TXLNB: variants seen among roughly 807,000 people sequenced by gnomAD.
TXLNB encodes the protein beta-taxilin.
Under a neutral mutation model 57.4 loss-of-function variants are expected in TXLNB, and 37 were observed. The ratio of observed to expected loss-of-function variants is 0.64; its 90% CI spans 0.50 to 0.85. TXLNB has a LOEUF of 0.85. Among genes scored for constraint, TXLNB ranks in the 40% least tolerant of loss-of-function variants. The probability of loss-of-function intolerance (pLI) is 0.00; values close to 1 mark genes in which losing one functional copy is unlikely to be tolerated. For missense variants in TXLNB, 848 were observed against 825.6 expected (o/e 1.03, Z -0.33); for synonymous variants, 302 against 309.6 (o/e 0.98, Z 0.26).
the TXLNB span, among the ~76,000 whole-genome samples, chr6:139,316,183 C>T: frequency 6.6e-6 from 1 of 152,226 alleles, no homozygotes; most frequent in African/African-American, 2.4e-5. Context: ...GACAAAGATT[C>T]TTTGCTTGGC....
intron 2 of TXLNB, among the ~76,000 whole-genome samples, chr6:139,286,304 T>A (rs977221480): frequency 1.3e-5 from 2 of 150,238 alleles, no homozygotes; most frequent in African/African-American, 4.9e-5. Context: ...TCTCTATGAA[T>A]CTACCTGTCA....
At chr6:139,195,500 AG>A in the TXLNB span, among the ~76,000 whole-genome samples, 1 of 152,352 alleles carries the variant, frequency 6.6e-6, no homozygotes, top group African/African-American at 2.4e-5. Context: ...GGAATTATCC[AG>A]AATATGTGCA....
chr6:139,271,288 C>T (rs977842363), intron 3 of TXLNB: 16 of 152,398 alleles, frequency 1.0e-4, no homozygotes, highest in African/African-American at 3.9e-4. Context: ...TGTAACACGC[C>T]TTGTTGCTCC....
At chr6:139,316,245 C>G in the TXLNB span, among the ~76,000 whole-genome samples, 1 of 152,154 alleles carries the variant, frequency 6.6e-6, no homozygotes, top group Non-Finnish European at 1.5e-5. Context: ...TGTGCACTTC[C>G]TTATAAAATC....
chr6:139,272,173 G>A (rs923780806), intron 3 of TXLNB, among the ~76,000 whole-genome samples: 2 of 152,132 alleles, frequency 1.3e-5, no homozygotes, highest in Admixed American at 1.3e-4. Context: ...CGGGCGTGGT[G>A]GTATGCACCT....
the TXLNB span, among the ~76,000 whole-genome samples, chr6:139,233,131 T>C: frequency 6.6e-6 from 1 of 151,894 alleles, no homozygotes; most frequent in African/African-American, 2.4e-5. Flanking sequence ...TATTAATAGC[T>C]ATCATTCTCA....
chr6:139,254,751 A>T (rs918279901), intron 7 of TXLNB, among the ~76,000 whole-genome samples: 3 of 152,206 alleles, frequency 2.0e-5, no homozygotes, highest in Non-Finnish European at 4.4e-5. Flanking sequence ...ACTTGTATCC[A>T]TTCACCACTG....
At chr6:139,182,487 A>C in the TXLNB span, among the ~76,000 whole-genome samples, 1 of 152,194 alleles carries the variant, frequency 6.6e-6, no homozygotes, top group African/African-American at 2.4e-5. Context: ...ATTACTTTAG[A>C]TCTTGCTTGT....
rs775895449 is a variant in TXLNB at position 139,243,107 on chromosome 6, C to T, written c.1474G>A (p.Glu492Lys). The T allele has an allele frequency of 6.2e-7, 1 of 1,614,182 alleles. No homozygotes were observed. Among genetic ancestry groups the T allele is most frequent in the Non-Finnish European group, 8.5e-7 (1 of 1,180,032 alleles). Residue 492 changes from glutamate to lysine, a missense_variant, in exon 10 of 10, where the codon GAG (glutamate) becomes AAG (lysine). Glu to Lys is a moderately conservative substitution (Grantham distance 56, BLOSUM62 1). Coordinates refer to ENST00000358430, the MANE Select transcript of TXLNB (RefSeq NM_153235.4). ...VSVDQEIDAE[E>K]VNSVQTAVKN... ...ACGGCGGTTTGGACACTATTAACCT[C>T]CTCTGCGTCAATCTCTTGATCCACA... is the stretch of plus-strand genomic sequence containing the variant.
chr6:139,160,816 G>A, the TXLNB span, among the ~76,000 whole-genome samples: 108 of 152,092 alleles, frequency 7.1e-4, no homozygotes, highest in Non-Finnish European at 1.1e-3. Context: ...GAAATACAGC[G>A]GTATAAAATT....
intron 4 of TXLNB, among the ~76,000 whole-genome samples, chr6:139,263,872 G>A (rs1776548282): frequency 6.6e-6 from 1 of 152,144 alleles, no homozygotes; most frequent in African/African-American, 2.4e-5. Flanking sequence ...TTCAAATTAT[G>A]TAACAGGATT....
At chr6:139,162,117 A>G in the TXLNB span, among the ~76,000 whole-genome samples, 1 of 152,282 alleles carries the variant, frequency 6.6e-6, no homozygotes, top group South Asian at 2.1e-4. Flanking sequence ...AAACACTAAG[A>G]TGAGTAAGAG....
chr6:139,204,419 C>T, the TXLNB span, among the ~76,000 whole-genome samples: 12 of 152,188 alleles, frequency 7.9e-5, no homozygotes, highest in Non-Finnish European at 1.8e-4. Context: ...CTCTGCAGCA[C>T]TCCCATTCTC....
At chr6:139,321,378 T>C in the TXLNB span, among the ~76,000 whole-genome samples, 1 of 152,266 alleles carries the variant, frequency 6.6e-6, no homozygotes, top group East Asian at 1.9e-4. Context: ...AGTCACCATC[T>C]GTGAATCAGA....
the TXLNB span, among the ~76,000 whole-genome samples, chr6:139,205,816 A>G: frequency 6.6e-6 from 1 of 152,228 alleles, no homozygotes; most frequent in African/African-American, 2.4e-5. Flanking sequence ...ACATCCAGCT[A>G]TAAGAAGCTC....
At chr6:139,222,945 G>A in the TXLNB span, among the ~76,000 whole-genome samples, 1,864 of 152,228 alleles carry the variant, frequency 0.012, 18 homozygotes, top group Non-Finnish European at 0.02. Flanking sequence ...ATAAACAAAT[G>A]AAGAATCAAC....
At chr6:139,310,947 A>C in the TXLNB span, among the ~76,000 whole-genome samples, 1 of 152,250 alleles carries the variant, frequency 6.6e-6, no homozygotes, top group Non-Finnish European at 1.5e-5. Context: ...CACCCGCCTC[A>C]GTCTCCCAAA....
chr6:139,264,423 A>C (rs1396437078), intron 4 of TXLNB, among the ~76,000 whole-genome samples: 1 of 151,680 alleles, frequency 6.6e-6, no homozygotes, highest in Non-Finnish European at 1.5e-5. Context: ...TTTTTTTTTT[A>C]ATTGGGAACT....
the TXLNB span, among the ~76,000 whole-genome samples, chr6:139,193,986 C>T: frequency 4.7e-5 from 7 of 150,296 alleles, no homozygotes; most frequent in East Asian, 3.9e-4. Context: ...GGACTACAGG[C>T]GCCCGCCACC....
Sources: allele counts gnomAD v4.1 joint callset (sites outside exome capture counted in the v4.1 genomes callset), GRCh38; gene constraint gnomAD v4.1.1; transcripts MANE v1.5; gene names NCBI Gene and HGNC (gene_info 2026-07-23, HGNC 2026-07-21).